The following SPAG9 variants were observed in gnomAD, a reference collection of about 807,000 sequenced individuals.
SPAG9 encodes the protein sperm associated antigen 9.
Under a neutral mutation model 166.5 loss-of-function variants are expected in SPAG9, and 35 were observed. The observed-to-expected ratio is 0.21, with a 90% CI of 0.16 to 0.28. SPAG9 has a LOEUF of 0.28. Ranked by LOEUF, SPAG9 falls within the 10% of genes least tolerant of loss-of-function variation. SPAG9 has a pLI of 1.00. For synonymous variants in SPAG9, 534 were observed against 565.5 expected, an observed-to-expected ratio of 0.94 and a Z score of 0.79; for missense variants, 1,235 against 1,603.3, an observed-to-expected ratio of 0.77 and a Z score of 3.92.
chr17:50,979,913 G>T lies in SPAG9; in HGVS notation c.3242C>A (p.Ser1081Tyr). Residue 1081 changes from serine (S) to tyrosine (Y), a missense_variant, in exon 26 of 30, where the codon TCT becomes TAT. Transcript: ENST00000262013. ...VQPKAMKIEK[S>Y]FDAHPRKESQ... ...CTCCTTCCTGGGATGTGCATCAAAA[G>T]ATTTCTAGGAGAGATTGTCCAATCA... The T allele has an allele frequency of 2.5e-6, 4 of 1,612,406 alleles. No homozygotes were observed. In the South Asian group the frequency reaches 3.3e-5, roughly 13 times the overall value.
chr17:51,069,511 A>G (rs1345082449), intron 2 of SPAG9, among the ~76,000 whole-genome samples: 1 of 152,140 alleles, frequency 6.6e-6, no homozygotes, highest in Admixed American at 6.5e-5. Flanking sequence ...AAAATGGTTT[A>G]TGTGCTGTGA....
intron 1 of SPAG9, among the ~76,000 whole-genome samples, chr17:51,100,643 A>ACATCT (rs1303954068): frequency 1.3e-5 from 2 of 152,192 alleles, no homozygotes; most frequent in East Asian, 3.8e-4. Context: ...AAAAATGGCC[A>ACATCT]GGTGCAGTGG....
intron 3 of SPAG9, among the ~76,000 whole-genome samples, chr17:51,049,329 T>A (rs1316726412): frequency 6.6e-5 from 10 of 151,240 alleles, no homozygotes. Flanking sequence ...ATCATGCCAC[T>A]GCACTCCAGC....
rs1240304100 is a variant in SPAG9 at position 50,988,131 on chromosome 17, G to A, written c.2814-894C>T. 2.6e-5 allele frequency among the ~76,000 whole-genome samples: 4 copies of A among 152,120 alleles called. No individual in the cohort carries two copies. The East Asian group carries it at 5.8e-4, about 22-fold the overall frequency. ...CCTGGGAGGCTGAGGCAGGAGAATC[G>A]CTTGAACCTGGAAGGCGGAGGTTGC... On this transcript the variant is annotated intron_variant, in intron 21 of 29. Coordinates refer to ENST00000262013, the MANE Select transcript of SPAG9 (RefSeq NM_001130528.3).
At chr17:51,007,822 C>T (rs895699145) in intron 9 of SPAG9, 1 of 452,812 alleles carries the variant, frequency 2.2e-6, no homozygotes, top group African/African-American at 2.0e-5. Context: ...AACCCCAAGG[C>T]AGATGAAACC....
intron 6 of SPAG9, among the ~76,000 whole-genome samples, chr17:51,026,698 G>A (rs559683352): frequency 1.9e-3 from 257 of 132,494 alleles, no homozygotes; most frequent in Non-Finnish European, 3.3e-3. Flanking sequence ...TTTTTGAGAC[G>A]AAGTTTCGCT....
At chr17:50,996,418 C>T in intron 16 of SPAG9, 147 bp downstream of exon 16, 1 of 859,148 alleles carries the variant, frequency 1.2e-6, no homozygotes, top group Non-Finnish European at 1.8e-6. Context: ...GCCTGAAAAC[C>T]ACCACCCTCC....
chr17:50,970,926 A>C, intron 28 of SPAG9, 70 bp from the exon 29 acceptor site: 1 of 1,203,878 alleles, frequency 8.3e-7, no homozygotes, highest in East Asian at 2.4e-5. Context: ...TTTTTTTTTT[A>C]AGTATTTTTA....
At chr17:51,088,264 A>G (rs1398576903) in intron 1 of SPAG9, among the ~76,000 whole-genome samples, 1 of 152,210 alleles carries the variant, frequency 6.6e-6, no homozygotes, top group African/African-American at 2.4e-5. Flanking sequence ...TATTCTCCAA[A>G]TGCTAGGCAG....
intron 1 of SPAG9, among the ~76,000 whole-genome samples, chr17:51,092,946 T>A (rs755409731): frequency 2.6e-4 from 39 of 150,794 alleles, no homozygotes; most frequent in East Asian, 2.0e-3. Flanking sequence ...TCTTAAAAAA[T>A]TTTTTTTTCT....
intron 28 of SPAG9, among the ~76,000 whole-genome samples, chr17:50,971,115 C>T (rs2143588473): frequency 6.6e-6 from 1 of 152,168 alleles, no homozygotes; most frequent in East Asian, 1.9e-4. Context: ...GAGATTGGGA[C>T]CAGCCTGGCA....
At chr17:51,020,467 T>C (rs1486900786) in intron 7 of SPAG9, among the ~76,000 whole-genome samples, 7 of 152,178 alleles carry the variant, frequency 4.6e-5, no homozygotes, top group African/African-American at 1.7e-4. Context: ...CAAAGAAAGT[T>C]TTCCCTTGTG....
chr17:50,984,671 G>A (rs1567963130), intron 24 of SPAG9, among the ~76,000 whole-genome samples: 1 of 152,160 alleles, frequency 6.6e-6, no homozygotes, highest in African/African-American at 2.4e-5. Flanking sequence ...GGGCGACAGA[G>A]CGAGACTCTG....
intron 3 of SPAG9, among the ~76,000 whole-genome samples, chr17:51,049,520 T>A (rs1428034488): frequency 3.3e-5 from 5 of 151,734 alleles, no homozygotes; most frequent in Non-Finnish European, 7.4e-5. Flanking sequence ...TACAAAAAAA[T>A]TTTTAAAAAT....
intron 1 of SPAG9, among the ~76,000 whole-genome samples, chr17:51,087,752 A>G (rs1019662934): frequency 9.9e-5 from 15 of 152,008 alleles, no homozygotes; most frequent in African/African-American, 3.6e-4. Context: ...CTTATTTTTT[A>G]GAGATGAGGT....
intron 2 of SPAG9, among the ~76,000 whole-genome samples, chr17:51,061,612 C>CCAAAAAA (rs34337438): frequency 9.5e-5 from 3 of 31,726 alleles, no homozygotes; most frequent in African/African-American, 2.1e-4. Context: ...GCTCTGTCTC[C>CCAAAAAA]AAAAAAAAAA....
intron 2 of SPAG9, among the ~76,000 whole-genome samples, chr17:51,068,402 T>G (rs546629734): frequency 6.6e-6 from 1 of 152,310 alleles, no homozygotes; most frequent in East Asian, 1.9e-4. Flanking sequence ...ATGATCATAT[T>G]CTCAAAACAG....
At chr17:51,110,400 A>C (rs1185998007) in intron 1 of SPAG9, among the ~76,000 whole-genome samples, 2 of 151,872 alleles carry the variant, frequency 1.3e-5, no homozygotes, top group East Asian at 1.9e-4. Flanking sequence ...AAAAAAAAAA[A>C]AAAACCCTAG....
chr17:50,990,116 C>T (rs898582141), intron 20 of SPAG9: 1 of 548,368 alleles, frequency 1.8e-6, no homozygotes, highest in Admixed American at 3.1e-5. Flanking sequence ...CAAGCTCCAC[C>T]TCCCAGGTTC....
Sources: allele counts gnomAD v4.1 joint callset (sites outside exome capture counted in the v4.1 genomes callset), GRCh38; gene constraint gnomAD v4.1.1; transcripts MANE v1.5; gene names NCBI Gene and HGNC (gene_info 2026-07-23, HGNC 2026-07-21).